DRAXIN: variants seen among roughly 807,000 people sequenced by gnomAD.
DRAXIN encodes the protein dorsal repulsive axon guidance protein.
In DRAXIN, 27 loss-of-function variants were observed where a neutral mutation model predicts 33.9. The ratio of observed to expected loss-of-function variants is 0.80; its 90% CI spans 0.59 to 1.10. The LOEUF is 1.10. Ranked by LOEUF, DRAXIN falls within the 50% of genes least tolerant of loss-of-function variation. The probability of loss-of-function intolerance (pLI) is 0.00; values close to 1 mark genes in which losing one functional copy is unlikely to be tolerated. For synonymous variants in DRAXIN, 178 were observed against 194.0 expected (o/e 0.92, Z 0.69); for missense variants, 371 against 460.8 (o/e 0.81, Z 1.78).
chr1:11,719,593 G>C lies in DRAXIN; in HGVS notation c.947G>C (p.Cys316Ser). ...GCCTCCACTCGCCCAGGGCTGCGCT[G>C]CTATGCCAAATTCCACCGGAACCGC... ...DDCMCVEGLR[C>S]YAKFHRNRRV... The change falls in exon 7 of 7, where the codon TGC (cysteine) becomes TCC (serine). Residue 316 changes from cysteine (C) to serine (S), a missense_variant. Physicochemically the swap from Cys to Ser is moderately radical, Grantham distance 112 (BLOSUM62 -1). Coordinates refer to ENST00000294485, the MANE Select transcript of DRAXIN (RefSeq NM_198545.4). 1 of 1,612,722 alleles carries C rather than the reference G, an allele frequency of 6.2e-7. No individual in the cohort carries two copies. The highest frequency in any genetic ancestry group is 1.1e-5 in the South Asian group (1 of 90,886).
chr1:11,715,072 A>AG (rs780078174), intron 5 of DRAXIN, 47 bp from the exon 6 acceptor site: 2 of 1,601,526 alleles, frequency 1.2e-6, no homozygotes, highest in East Asian at 2.2e-5. Context: ...GGCTGCGGGG[A>AG]GGGGCGGCTC....
chr1:11,706,845 C>T lies in DRAXIN; in HGVS notation c.451+136C>T. The T allele has an allele frequency of 1.0e-6, 1 of 973,404 alleles. No homozygotes were observed. The highest frequency in any genetic ancestry group is 1.5e-6 in the Non-Finnish European group (1 of 689,050). 60.3% of individuals were successfully genotyped at this position (973,404 alleles called of 1,614,324 possible). A position where few individuals can be genotyped will look rare whatever the true frequency, so the allele number is the denominator to read the frequency against. On this transcript the variant is annotated intron_variant, in intron 2 of 6. Transcript: ENST00000294485. This position sits in a 1 kb window ranked among gnomAD's most constrained non-coding sequence, Gnocchi z 5.5. Reference sequence around the variant, plus strand: ...GGGGTCTCACTGAAGCCAGAGGGACCTGGTAAGGGGAGGAGGCTGGGAGAG... The same window carrying T: ...GGGGTCTCACTGAAGCCAGAGGGACTTGGTAAGGGGAGGAGGCTGGGAGAG...
At position 11,706,877 on chromosome 1, in the gene DRAXIN, G is replaced by A. The variant is rs1641392095; in HGVS notation, c.451+168G>A. Among the ~76,000 whole-genome samples the A allele has an allele frequency of 1.3e-5, 2 of 152,124 alleles. No homozygotes were observed. The highest frequency in any genetic ancestry group is 2.9e-5 in the Non-Finnish European group (2 of 68,022). On this transcript the variant is annotated intron_variant, in intron 2 of 6. Transcript: ENST00000294485. The surrounding 1 kb of genome is among the most constrained non-coding windows in gnomAD (Gnocchi z 5.5). ...GGGGAGGAGGCTGGGAGAGGCCTGG[G>A]GTTGGGGCATGGGAAGAGGAGAGGG... is the stretch of plus-strand genomic sequence containing the variant.
rs200060632 is a variant in DRAXIN, at chr1:11,719,691, G to A, written c.1045G>A (p.Val349Ile). The A allele has an allele frequency of 1.3e-5, 21 of 1,613,676 alleles. No individual in the cohort carries two copies. Among genetic ancestry groups the A allele is most frequent in the Non-Finnish European group, 1.8e-5 (21 of 1,179,796 alleles). Residue 349 changes from valine (V) to isoleucine (I), a missense_variant, in exon 7 of 7, where the codon GTC becomes ATC. By Grantham distance (29) the Val-to-Ile change is conservative (BLOSUM62 3). Transcript: ENST00000294485. ...ANGDQGSFIN[V>I] ...CGGCGACCAGGGATCCTTCATCAAC[G>A]TCTAGCGGCCCCGCGGGACTGGGGA...
At chr1:11,690,238 A>G (rs1471774261), upstream of DRAXIN, among the ~76,000 whole-genome samples, 1 of 152,002 alleles carries the variant, frequency 6.6e-6, no homozygotes, top group Non-Finnish European at 1.5e-5. This position sits in a 1 kb window ranked among gnomAD's most constrained non-coding sequence, Gnocchi z 4.2. Flanking sequence ...TTACTACTGT[A>G]CCTCCGGTGC....
intron 5 of DRAXIN, among the ~76,000 whole-genome samples, chr1:11,714,874 C>T (rs553072632): frequency 3.9e-4 from 60 of 152,382 alleles, no homozygotes; most frequent in African/African-American, 1.4e-3. Context: ...ACCACCTTCG[C>T]TCTTCCCATG....
At chr1:11,712,296 T>C (rs1641506478) in intron 4 of DRAXIN, 44 bp from the exon 5 acceptor site, 2 of 1,610,260 alleles carry the variant, frequency 1.2e-6, no homozygotes, top group Non-Finnish European at 1.7e-6. Context: ...TAACCTCTGC[T>C]CTGCTGGGCC....
intron 1 of DRAXIN, among the ~76,000 whole-genome samples, chr1:11,695,417 A>G (rs1395943969): frequency 6.8e-6 from 1 of 146,650 alleles, no homozygotes; most frequent in Non-Finnish European, 1.5e-5. Context: ...TATCTCTACT[A>G]AAAAAAAAAG....
At chr1:11,702,891 T>C (rs991419186) in intron 1 of DRAXIN, among the ~76,000 whole-genome samples, 3 of 152,192 alleles carry the variant, frequency 2.0e-5, no homozygotes, top group Non-Finnish European at 4.4e-5. Context: ...TACAGGCGCA[T>C]GCCATCATGC....
At chr1:11,700,466 A>G (rs1641255189) in intron 1 of DRAXIN, among the ~76,000 whole-genome samples, 1 of 152,268 alleles carries the variant, frequency 6.6e-6, no homozygotes, top group Non-Finnish European at 1.5e-5. Context: ...TCAGTGAACC[A>G]GAAGCCCAAG....
chr1:11,718,876 T>C (rs937330122), intron 6 of DRAXIN, among the ~76,000 whole-genome samples: 1 of 151,402 alleles, frequency 6.6e-6, no homozygotes, highest in Non-Finnish European at 1.5e-5. Context: ...CTTGCAATCA[T>C]GTGGTAGATT....
chr1:11,701,768 G>A (rs768941102), intron 1 of DRAXIN, among the ~76,000 whole-genome samples: 39 of 152,140 alleles, frequency 2.6e-4, no homozygotes, highest in Non-Finnish European at 4.9e-4. Flanking sequence ...TCCTCCTTCT[G>A]CCTGGTTGCC....
intron 5 of DRAXIN, among the ~76,000 whole-genome samples, chr1:11,713,643 C>T (rs1641531681): frequency 6.6e-6 from 1 of 152,072 alleles, no homozygotes; most frequent in African/African-American, 2.4e-5. Context: ...AATCCCAGCA[C>T]TATGGGAGGC....
intron 3 of DRAXIN, among the ~76,000 whole-genome samples, chr1:11,710,531 A>G (rs1641469188): frequency 1.3e-5 from 2 of 151,582 alleles, no homozygotes; most frequent in African/African-American, 4.9e-5. Flanking sequence ...AGTAAGCGGC[A>G]AATGTGGCAA....
At chr1:11,716,526 C>T (rs1161893490) in intron 6 of DRAXIN, among the ~76,000 whole-genome samples, 1 of 152,220 alleles carries the variant, frequency 6.6e-6, no homozygotes, top group Non-Finnish European at 1.5e-5. Context: ...AGATACATGC[C>T]CCGTTTTGCT....
Position 11,691,836 on chromosome 1 carries a change from T to G in DRAXIN, c.-28T>G, listed in dbSNP as rs1641075057. 2 of 147,148 alleles carry G rather than the reference T, an allele frequency of 1.4e-5. No individual in the cohort carries two copies. Among genetic ancestry groups the G allele is most frequent in the East Asian group, 2.2e-4 (1 of 4,518 alleles). The allele number at this position is 147,148 out of a possible 1,614,324, so 9.1% of individuals were successfully genotyped here. A position where few individuals can be genotyped will look rare whatever the true frequency, so the allele number is the denominator to read the frequency against. The stretch of plus-strand genomic sequence containing the variant: ...CTCGGCCCCGAGCCCCTCCTCCCCC[T>G]ACCCGCCGGCCGGACAGGTAAGGCA... On this transcript the variant is annotated 5_prime_UTR_variant, in exon 1 of 7. Coordinates refer to ENST00000294485, the MANE Select transcript of DRAXIN (RefSeq NM_198545.4).
chr1:11,719,860 G>A lies in DRAXIN; in HGVS notation c.*164G>A. ...GGGGAGCCGCTCGGCGAATGAGCTGGGTGGGTGCCCAGGAGCCGGCCCGCA... is the reference window on the plus strand; with the variant it reads ...GGGGAGCCGCTCGGCGAATGAGCTGAGTGGGTGCCCAGGAGCCGGCCCGCA... On this transcript the variant is annotated 3_prime_UTR_variant, in exon 7 of 7. Coordinates refer to ENST00000294485, the MANE Select transcript of DRAXIN (RefSeq NM_198545.4). 1.5e-6 allele frequency: 1 copy of A among 666,906 alleles called. No homozygotes were observed. Among genetic ancestry groups the A allele is most frequent in the Non-Finnish European group, 2.6e-6 (1 of 385,134 alleles). 41.3% of individuals were successfully genotyped at this position (666,906 alleles called of 1,614,324 possible).
At chr1:11,719,295 C>T (rs936142759) in intron 6 of DRAXIN, among the ~76,000 whole-genome samples, 1 of 152,250 alleles carries the variant, frequency 6.6e-6, no homozygotes, top group African/African-American at 2.4e-5. Context: ...CTGTGCGGTG[C>T]ATTCTGTGGG....
upstream of DRAXIN, among the ~76,000 whole-genome samples, chr1:11,689,520 C>G (rs1461408981): frequency 4.7e-5 from 7 of 149,818 alleles, no homozygotes; most frequent in African/African-American, 1.7e-4. Flanking sequence ...TGCTTGAACC[C>G]GGGAGGTGGA....
Sources: allele counts gnomAD v4.1 joint callset (sites outside exome capture counted in the v4.1 genomes callset), GRCh38; gene constraint gnomAD v4.1.1; non-coding constraint Gnocchi (gnomAD v3.1); transcripts MANE v1.5; gene names NCBI Gene and HGNC (gene_info 2026-07-23, HGNC 2026-07-21).